The following KATNIP variants were observed in gnomAD, a reference collection of about 807,000 sequenced individuals.
KATNIP encodes the protein katanin-interacting protein.
Under a neutral mutation model 174.0 loss-of-function variants are expected in KATNIP, and 126 were observed. The observed-to-expected ratio is 0.72, with a 90% CI of 0.63 to 0.84. The LOEUF (loss-of-function observed/expected upper bound fraction) is 0.84, where lower values mean the gene tolerates loss of function less well. Among genes scored for constraint, KATNIP ranks in the 40% least tolerant of loss-of-function variants. The probability of loss-of-function intolerance (pLI) is 0.00; values close to 1 mark genes in which losing one functional copy is unlikely to be tolerated. For synonymous variants in KATNIP, 810 were observed against 835.7 expected (o/e 0.97, Z 0.53); for missense variants, 1,958 against 2,109.7 (o/e 0.93, Z 1.41).
intron 2 of KATNIP, among the ~76,000 whole-genome samples, chr16:27,576,674 G>T (rs2090510039): frequency 6.6e-6 from 1 of 151,840 alleles, no homozygotes; most frequent in African/African-American, 2.4e-5. Flanking sequence ...ACAGCAAGCT[G>T]CCAGGACTCT....
intron 1 of KATNIP, 95 bp from the exon 2 acceptor site, chr16:27,573,806 C>G: frequency 9.3e-7 from 1 of 1,079,602 alleles, no homozygotes; most frequent in Non-Finnish European, 1.4e-6. Context: ...ATGATTGGTC[C>G]CATCTATTCA....
intron 13 of KATNIP, among the ~76,000 whole-genome samples, chr16:27,713,570 G>A (rs2079683571): frequency 6.7e-6 from 1 of 150,366 alleles, no homozygotes; most frequent in African/African-American, 2.4e-5. Context: ...GTGAGACCCT[G>A]TCTCCATAAA....
intron 18 of KATNIP, among the ~76,000 whole-genome samples, chr16:27,756,107 C>T (rs566511222): frequency 2.0e-5 from 3 of 152,284 alleles, no homozygotes; most frequent in African/African-American, 7.2e-5. Flanking sequence ...CACATCCCCT[C>T]CCTTATGGCC....
Position 27,777,123 on chromosome 16 carries a change from T to C in KATNIP, c.4551+94T>C. On this transcript the variant is annotated intron_variant, in intron 25 of 27. Transcript: ENST00000261588. The surrounding 1 kb of genome is among the most constrained non-coding windows in gnomAD (Gnocchi z 4.4). ...CATTTGTCGCAGTTTGATTTACTTC[T>C]CTCTGTTGCAACCCTCAACACAAAT... 1 of 841,702 alleles carries C rather than the reference T, an allele frequency of 1.2e-6. No individual in the cohort carries two copies. The highest frequency in any genetic ancestry group is 2.0e-6 in the Non-Finnish European group (1 of 495,270). 52.1% of individuals were successfully genotyped at this position (841,702 alleles called of 1,614,324 possible).
chr16:27,683,740 T>C (rs2078429262), intron 8 of KATNIP, among the ~76,000 whole-genome samples: 1 of 152,130 alleles, frequency 6.6e-6, no homozygotes, highest in South Asian at 2.1e-4. Context: ...GAGTCTGCTT[T>C]CGGAGCTCCC....
chr16:27,779,812 T>G lies in KATNIP; in HGVS notation c.*1183T>G, dbSNP rs1474173985. The G allele has an allele frequency of 6.6e-6, 1 of 152,256 alleles. No homozygotes were observed. 9.4% of individuals were successfully genotyped at this position (152,256 alleles called of 1,614,324 possible). A position where few individuals can be genotyped will look rare whatever the true frequency, so the allele number is the denominator to read the frequency against. ...AGTGGGTAATTTCTCGTTGCAAATA[T>G]TAATCCGTTGTTTTTCTGGCGCCCA... On this transcript the variant is annotated 3_prime_UTR_variant, in exon 28 of 28. Coordinates refer to ENST00000261588, the MANE Select transcript of KATNIP (RefSeq NM_015202.5).
At chr16:27,758,318 T>C (rs1173488583) in intron 18 of KATNIP, among the ~76,000 whole-genome samples, 1 of 152,234 alleles carries the variant, frequency 6.6e-6, no homozygotes, top group East Asian at 1.9e-4. Context: ...CCCTTCCTTC[T>C]GTATCCAGAC....
At chr16:27,588,961 A>G (rs1439171349) in intron 2 of KATNIP, among the ~76,000 whole-genome samples, 1 of 138,076 alleles carries the variant, frequency 7.2e-6, no homozygotes, top group Non-Finnish European at 1.5e-5. Context: ...ATCTCACCTC[A>G]CTGCAACCTC....
chr16:27,713,745 TTATA>T (rs1282810897), intron 13 of KATNIP, among the ~76,000 whole-genome samples: 1 of 51,460 alleles, frequency 1.9e-5, no homozygotes, highest in Non-Finnish European at 4.4e-5. Context: ...CACATACATA[TTATA>T]TATATGTGTG....
intron 2 of KATNIP, among the ~76,000 whole-genome samples, chr16:27,605,078 G>A (rs2075657125): frequency 6.6e-6 from 1 of 152,086 alleles, no homozygotes; most frequent in Admixed American, 6.6e-5. Context: ...ACAGGCATGT[G>A]CCACCATGCC....
In KATNIP at chr16:27,770,888, C is replaced by T. The variant is rs548941213; in HGVS notation, c.4134-700C>T. ...CAGGGCTGTGCCTGCCTTCCAGCCT[C>T]CTCTCACTTCCCTCTCCCCATCCTG... On this transcript the variant is annotated intron_variant, in intron 21 of 27. Transcript: ENST00000261588. Among the ~76,000 whole-genome samples, 10 of 152,336 alleles carry T rather than the reference C, an allele frequency of 6.6e-5. No individual in the cohort carries two copies. In the South Asian group the frequency reaches 2.1e-3, roughly 32 times the overall value.
At chr16:27,559,295 C>T (rs538398463) in intron 1 of KATNIP, among the ~76,000 whole-genome samples, 2 of 152,322 alleles carry the variant, frequency 1.3e-5, no homozygotes, top group East Asian at 3.9e-4. Context: ...CCTCCAGTCT[C>T]ATCTTTTTAG....
rs368058004 is a variant in KATNIP at position 27,761,445 on chromosome 16, G to T, written c.3664G>T (p.Asp1222Tyr). ...LQLNFTASWGDLHYLGLTGLE... is the reference protein window; with the variant it reads ...LQLNFTASWGYLHYLGLTGLE... The stretch of plus-strand genomic sequence containing the variant: ...GCTGAATTTCACTGCCTCCTGGGGA[G>T]ACTTGCACTACCTGGGGCTCACTGG... Residue 1222 changes from aspartate to tyrosine, a missense_variant, in exon 19 of 28, where the codon GAC becomes TAC. Physicochemically the swap from Asp to Tyr is radical, Grantham distance 160 (BLOSUM62 -3). Coordinates refer to ENST00000261588, the MANE Select transcript of KATNIP (RefSeq NM_015202.5). 6.2e-7 allele frequency: 1 copy of T among 1,613,658 alleles called. No homozygotes were observed. The highest frequency in any genetic ancestry group is 1.7e-4 in the Middle Eastern group (1 of 6,056).
At chr16:27,606,488 CACACACACACAG>C (rs1368264404) in intron 2 of KATNIP, among the ~76,000 whole-genome samples, 1 of 151,930 alleles carries the variant, frequency 6.6e-6, no homozygotes, top group East Asian at 1.9e-4. Context: ...TACACACACA[CACACACACACAG>C]ACACACACAC....
chr16:27,653,504 A>G (rs143051284), intron 6 of KATNIP, among the ~76,000 whole-genome samples: 119 of 152,130 alleles, frequency 7.8e-4, no homozygotes, highest in Non-Finnish European at 1.6e-3. Context: ...GGCAGTTTCA[A>G]TGCGTGGGGT....
At position 27,618,347 on chromosome 16, in the gene KATNIP, C is replaced by T. The variant is rs1002835718; in HGVS notation, c.64-78C>T. 1.1e-4 allele frequency: 126 copies of T among 1,130,802 alleles called. 1 individual carries two copies. Among genetic ancestry groups the T allele is most frequent in the Middle Eastern group, 1.9e-4 (1 of 5,140 alleles). The allele number at this position is 1,130,802 out of a possible 1,614,324, so 70.0% of individuals were successfully genotyped here. ...GCCTCCGCCTCTCAGCCTGCTGCGCCGGTGTGTGCTGCACCTGCACTCTCA... is the reference window on the plus strand; with the variant it reads ...GCCTCCGCCTCTCAGCCTGCTGCGCTGGTGTGTGCTGCACCTGCACTCTCA... On this transcript the variant is annotated intron_variant, in intron 2 of 27. Coordinates refer to ENST00000261588, the MANE Select transcript of KATNIP (RefSeq NM_015202.5).
chr16:27,613,144 C>T (rs1267968717), intron 2 of KATNIP, among the ~76,000 whole-genome samples: 1 of 152,056 alleles, frequency 6.6e-6, no homozygotes, highest in Non-Finnish European at 1.5e-5. Context: ...TGTATTGGCA[C>T]CTGCCTGTAG....
At chr16:27,742,458 A>G (rs1437244351) in intron 15 of KATNIP, among the ~76,000 whole-genome samples, 1 of 152,190 alleles carries the variant, frequency 6.6e-6, no homozygotes, top group African/African-American at 2.4e-5. Flanking sequence ...TTCCATCCAC[A>G]GAACACTCAG....
At chr16:27,559,720 C>G (rs900871923) in intron 1 of KATNIP, among the ~76,000 whole-genome samples, 7 of 151,142 alleles carry the variant, frequency 4.6e-5, no homozygotes, top group Admixed American at 4.0e-4. Flanking sequence ...GTGGCTCATA[C>G]CTATAATCTC....
Sources: gnomAD v4.1 joint callset for allele counts (sites outside exome capture counted in the v4.1 genomes callset) on GRCh38, gnomAD v4.1.1 for gene constraint, Gnocchi (gnomAD v3.1) non-coding constraint, MANE v1.5 for transcripts, NCBI Gene and HGNC (gene_info 2026-07-23, HGNC 2026-07-21) for gene names.